Variants in CDH4 observed in about 807,000 individuals in gnomAD.
CDH4 encodes cadherin-4.
Under a neutral mutation model 86.0 loss-of-function variants are expected in CDH4, and 33 were observed. That is an observed-to-expected ratio of 0.38 (90% CI 0.29 to 0.51). The LOEUF (loss-of-function observed/expected upper bound fraction) is 0.51, where lower values mean the gene tolerates loss of function less well. Among genes scored for constraint, CDH4 ranks in the 20% least tolerant of loss-of-function variants. The pLI, the probability that CDH4 is intolerant of heterozygous loss-of-function variation, is 0.86. For missense variants in CDH4, 1,114 were observed against 1,307.4 expected, an observed-to-expected ratio of 0.85 and a Z score of 2.28; for synonymous variants, 555 against 549.4, an observed-to-expected ratio of 1.01 and a Z score of -0.14.
In CDH4 at chr20:61,663,789, A is replaced by G. The variant is rs1220082011; in HGVS notation, c.170-79774A>G. ...GAGCTCCCGGTGTCCAGGCTGCACA[A>G]TGTGGGCACCACTGAACACGGGGTA... On this transcript the variant is annotated intron_variant, in intron 2 of 15. Coordinates refer to ENST00000614565, the MANE Select transcript of CDH4 (RefSeq NM_001794.5). The surrounding 1 kb of genome is among the most constrained non-coding windows in gnomAD (Gnocchi z 5.0). 6.6e-6 allele frequency among the ~76,000 whole-genome samples: 1 copy of G among 152,128 alleles called. No homozygotes were observed. The highest frequency in any genetic ancestry group is 1.5e-5 in the Non-Finnish European group (1 of 68,008).
At chr20:61,866,347 A>T in intron 6 of CDH4, among the ~76,000 whole-genome samples, 1 of 152,162 alleles carries the variant, frequency 6.6e-6, no homozygotes, top group Non-Finnish European at 1.5e-5. Context: ...ATAAACTCCT[A>T]GCAGTGAATT....
At chr20:61,652,381 A>G (rs941477263) in intron 2 of CDH4, among the ~76,000 whole-genome samples, 37 of 152,138 alleles carry the variant, frequency 2.4e-4, no homozygotes, top group Admixed American at 2.6e-4. Context: ...AGCAGTAACC[A>G]TGCACACCTG....
intron 2 of CDH4, chr20:61,370,074 G>A (rs1266039183): frequency 3.3e-5 from 5 of 152,380 alleles, no homozygotes; most frequent in African/African-American, 1.2e-4. Context: ...GGCCTGCCAG[G>A]GCTGCATCCT....
At chr20:61,731,735 C>T (rs1158801691) in intron 2 of CDH4, among the ~76,000 whole-genome samples, 4 of 152,194 alleles carry the variant, frequency 2.6e-5, no homozygotes, top group Admixed American at 6.5e-5. Context: ...GGTTTGGAGA[C>T]GTGAGTGAGT....
chr20:61,818,075 G>T (rs1980822417), intron 4 of CDH4, among the ~76,000 whole-genome samples: 1 of 152,004 alleles, frequency 6.6e-6, no homozygotes. Context: ...TGTCACCCAG[G>T]CTGGAGTGCA....
chr20:61,858,874 C>T (rs1266908787), intron 6 of CDH4, among the ~76,000 whole-genome samples: 1 of 152,136 alleles, frequency 6.6e-6, no homozygotes, highest in Admixed American at 6.5e-5. Context: ...AGCACCCATT[C>T]CTGCATGGGG....
At chr20:61,743,027 C>T (rs2088363154) in intron 2 of CDH4, among the ~76,000 whole-genome samples, 1 of 152,226 alleles carries the variant, frequency 6.6e-6, no homozygotes, top group African/African-American at 2.4e-5. Context: ...ACCAGAAACA[C>T]AGCAGAGCCG....
In CDH4 at chr20:61,921,355, C is replaced by T. The variant is rs535102928; in HGVS notation, c.1375-2096C>T. On this transcript the variant is annotated intron_variant, in intron 9 of 15. Coordinates refer to ENST00000614565, the MANE Select transcript of CDH4 (RefSeq NM_001794.5). ...TGTGTAAATCTCACAGTGATAGGCA[C>T]GCTGCTGCGTGGCAATCTGCACTTT... Among the ~76,000 whole-genome samples, 21 of 152,368 alleles carry T rather than the reference C, an allele frequency of 1.4e-4. No individual in the cohort carries two copies. The South Asian group carries it at 3.1e-3, about 23-fold the overall frequency.
intron 7 of CDH4, among the ~76,000 whole-genome samples, chr20:61,877,950 G>C (rs1352661860): frequency 6.6e-6 from 1 of 152,146 alleles, no homozygotes; most frequent in Non-Finnish European, 1.5e-5. Context: ...ACCCAAATGA[G>C]GCCCGGCCCC....
At chr20:61,508,735 GGC>G (rs1461914938) in intron 2 of CDH4, among the ~76,000 whole-genome samples, 8 of 152,258 alleles carry the variant, frequency 5.3e-5, no homozygotes, top group Non-Finnish European at 1.2e-4. Flanking sequence ...CAGCCTGGGT[GGC>G]CACCGGGATT....
intron 2 of CDH4, among the ~76,000 whole-genome samples, chr20:61,659,764 G>A (rs922045911): frequency 1.3e-5 from 2 of 152,234 alleles, no homozygotes; most frequent in African/African-American, 2.4e-5. Context: ...AGGCTTGGAG[G>A]CAGGAGGAGG....
At chr20:61,611,799 G>A (rs1235138741) in intron 2 of CDH4, among the ~76,000 whole-genome samples, 2 of 152,126 alleles carry the variant, frequency 1.3e-5, no homozygotes, top group Admixed American at 6.5e-5. Flanking sequence ...CCACCTGGGT[G>A]TGGATCTGAG....
chr20:61,383,744 AAGATATATGCATATATATGAAG>A (rs755782466), intron 2 of CDH4, among the ~76,000 whole-genome samples: 30,756 of 137,678 alleles, frequency 0.22, 4,379 homozygotes, highest in African/African-American at 0.31. Flanking sequence ...GATATATATG[AAGATATATGCATATATATGAAG>A]ATATATATGC....
rs530731280 is a variant in CDH4, at chr20:61,468,205, C to G, written c.169+213268C>G. Among the ~76,000 whole-genome samples, 5 of 152,222 alleles carry G rather than the reference C, an allele frequency of 3.3e-5. No individual in the cohort carries two copies. In the East Asian group the frequency reaches 9.7e-4, roughly 30 times the overall value. On this transcript the variant is annotated intron_variant, in intron 2 of 15. Coordinates refer to ENST00000614565, the MANE Select transcript of CDH4 (RefSeq NM_001794.5). The stretch of plus-strand genomic sequence containing the variant: ...GGGAGCCAACTGATTCTGTATGACC[C>G]AAACCTCCACCCCATATCACATTGT...
intron 2 of CDH4, among the ~76,000 whole-genome samples, chr20:61,525,603 C>T (rs1216857795): frequency 2.0e-5 from 3 of 152,160 alleles, no homozygotes; most frequent in African/African-American, 4.8e-5. Flanking sequence ...GGAGGGGAAA[C>T]GGATTGATCA....
chr20:61,563,023 G>T (rs978922101), intron 2 of CDH4, among the ~76,000 whole-genome samples: 38 of 152,104 alleles, frequency 2.5e-4, no homozygotes, highest in African/African-American at 8.9e-4. Flanking sequence ...GTCTTGTCCA[G>T]CGGCTCCCGG....
intron 2 of CDH4, among the ~76,000 whole-genome samples, chr20:61,702,773 T>C (rs538327738): frequency 6.6e-6 from 1 of 152,332 alleles, no homozygotes; most frequent in African/African-American, 2.4e-5. Context: ...TCTGTCTAGT[T>C]TATCGTGTTA....
At chr20:61,452,263 A>G (rs2085385151) in intron 2 of CDH4, among the ~76,000 whole-genome samples, 1 of 152,220 alleles carries the variant, frequency 6.6e-6, no homozygotes, top group Non-Finnish European at 1.5e-5. Flanking sequence ...CTCGTGTCAG[A>G]AAATTATATG....
At chr20:61,689,858 G>A (rs2087632967) in intron 2 of CDH4, among the ~76,000 whole-genome samples, 1 of 147,570 alleles carries the variant, frequency 6.8e-6, no homozygotes, top group Admixed American at 6.6e-5. Context: ...GGTTGGTGAG[G>A]TGATGTGGTA....
Sources: allele counts gnomAD v4.1 joint callset (sites outside exome capture counted in the v4.1 genomes callset), GRCh38; gene constraint gnomAD v4.1.1; non-coding constraint Gnocchi (gnomAD v3.1); transcripts MANE v1.5; gene names NCBI Gene and HGNC (gene_info 2026-07-23, HGNC 2026-07-21).